Variants in ZNF525 observed in about 807,000 individuals in gnomAD.
The protein encoded by ZNF525 is zinc finger protein 525.
In ZNF525, 33 loss-of-function variants were observed where a neutral mutation model predicts 37.6. That is an observed-to-expected ratio of 0.88 (90% CI 0.67 to 1.17). The LOEUF (loss-of-function observed/expected upper bound fraction) is 1.17. Among genes scored for constraint, ZNF525 ranks in the 50% most tolerant of loss-of-function variants. ZNF525 has a pLI of 0.00. For synonymous variants in ZNF525, 170 were observed against 182.3 expected, an observed-to-expected ratio of 0.93 and a Z score of 0.54; for missense variants, 449 against 543.1, an observed-to-expected ratio of 0.83 and a Z score of 1.72.
At chr19:53,376,455 T>G in intron 3 of ZNF525, 1 of 591,200 alleles carries the variant, frequency 1.7e-6, no homozygotes, top group South Asian at 2.1e-5. Context: ...ATTTTTTTTG[T>G]TGTTATTTTG....
rs1029535441 is a variant in ZNF525, at chr19:53,385,945, C to T, written c.*3926C>T. ...TGACAGCAAACAGCAGAAACATAGT[C>T]AGAATTTAGAGAACAGCCTGGTTAA... On this transcript the variant is annotated 3_prime_UTR_variant, in exon 4 of 4. Coordinates refer to ENST00000474037, the MANE Select transcript of ZNF525 (RefSeq NM_001348156.2). The T allele has an allele frequency of 2.1e-5, 4 of 188,468 alleles. No individual in the cohort carries two copies. The highest frequency in any genetic ancestry group is 4.7e-5 in the African/African-American group (2 of 42,112). 11.7% of individuals were successfully genotyped at this position (188,468 alleles called of 1,614,324 possible). A position where few individuals can be genotyped will look rare whatever the true frequency, so the allele number is the denominator to read the frequency against.
Position 53,385,331 on chromosome 19 carries a change from A to G in ZNF525, c.*3312A>G, listed in dbSNP as rs1317251226. 4 of 207,978 alleles carry G rather than the reference A, an allele frequency of 1.9e-5. No homozygotes were observed. Among genetic ancestry groups the G allele is most frequent in the African/African-American group, 9.2e-5 (4 of 43,450 alleles). 12.9% of individuals were successfully genotyped at this position (207,978 alleles called of 1,614,324 possible). A position where few individuals can be genotyped will look rare whatever the true frequency, so the allele number is the denominator to read the frequency against. On this transcript the variant is annotated 3_prime_UTR_variant, in exon 4 of 4. Coordinates refer to ENST00000474037, the MANE Select transcript of ZNF525 (RefSeq NM_001348156.2). ...CCTCAAAAGGATAAGACATGAGTAT[A>G]AAAAGAGACTCCATCAAAGCAATAT... is the stretch of plus-strand genomic sequence containing the variant.
Position 53,368,523 on chromosome 19 carries a change from G to T in ZNF525, c.-68+2764G>T, listed in dbSNP as rs116981672. Among the ~76,000 whole-genome samples the T allele has an allele frequency of 6.3e-4, 96 of 152,224 alleles. No homozygotes were observed. In the East Asian group the frequency reaches 0.016, roughly 26 times the overall value. On this transcript the variant is annotated intron_variant, in intron 1 of 3. Transcript: ENST00000474037. ...AGTTAAATTATCTTGTGGCATTAACGCTTTTGCTTCTTAAGGCCAGTGGTC... is the reference window on the plus strand; with the variant it reads ...AGTTAAATTATCTTGTGGCATTAACTCTTTTGCTTCTTAAGGCCAGTGGTC...
intron 3 of ZNF525, among the ~76,000 whole-genome samples, chr19:53,377,226 A>G (rs1284930223): frequency 6.6e-6 from 1 of 152,212 alleles, no homozygotes; most frequent in African/African-American, 2.4e-5. Context: ...CACCCATGCT[A>G]GAGTGCAATG....
chr19:53,370,522 C>T (rs531973668), intron 1 of ZNF525, among the ~76,000 whole-genome samples: 4 of 151,922 alleles, frequency 2.6e-5, no homozygotes, highest in Non-Finnish European at 4.4e-5. Flanking sequence ...CTCCCTGCAA[C>T]TTGGAGATGA....
At chr19:53,375,002 G>A (rs967223771) in intron 2 of ZNF525, among the ~76,000 whole-genome samples, 3 of 151,872 alleles carry the variant, frequency 2.0e-5, no homozygotes, top group Non-Finnish European at 4.4e-5. Flanking sequence ...AGGCTCCCAA[G>A]TAGCTGGAAC....
chr19:53,375,781 A>G lies in ZNF525; in HGVS notation c.27A>G (p.Thr9=). ...TGTTTTCATTTCAGGGTCTATTGAC[A>G]TTCAGGGATGTGGCCATAGAATTCT... is the stretch of plus-strand genomic sequence containing the variant. MALPQGLL[T]FRDVAIEFSQ... is the part of the protein sequence containing the mutation. Residue 9 remains threonine, a synonymous_variant, in exon 3 of 4, where the codon ACA becomes ACG. Coordinates refer to ENST00000474037, the MANE Select transcript of ZNF525 (RefSeq NM_001348156.2). 1.2e-6 allele frequency: 2 copies of G among 1,613,944 alleles called. No homozygotes were observed. The highest frequency in any genetic ancestry group is 1.7e-6 in the Non-Finnish European group (2 of 1,179,922).
chr19:53,367,903 C>T (rs549029055), intron 1 of ZNF525, among the ~76,000 whole-genome samples: 6 of 152,212 alleles, frequency 3.9e-5, no homozygotes, highest in East Asian at 1.9e-4. Context: ...TGTGGTTAAG[C>T]GTGTAAATCG....
intron 1 of ZNF525, among the ~76,000 whole-genome samples, chr19:53,366,743 G>GGA (rs1239134686): frequency 6.7e-6 from 1 of 149,774 alleles, no homozygotes; most frequent in Non-Finnish European, 1.5e-5. Context: ...GAGAACAGAG[G>GGA]GAGAACCACA....
At position 53,369,884 on chromosome 19, in the gene ZNF525, C is replaced by G. The variant is rs1047325096; in HGVS notation, c.-67-2331C>G. Among the ~76,000 whole-genome samples the G allele has an allele frequency of 2.8e-5, 4 of 143,820 alleles. 1 individual carries two copies. Among genetic ancestry groups the G allele is most frequent in the African/African-American group, 1.1e-4 (4 of 37,980 alleles). The allele number at this position is 143,820 out of a possible 152,430, so 94.4% of individuals were successfully genotyped here. ...GGACTACAGGCGCCCGCCACCACGC[C>G]CAGCTAATTTTTTGTATTTTTAGTA... On this transcript the variant is annotated intron_variant, in intron 1 of 3. Coordinates refer to ENST00000474037, the MANE Select transcript of ZNF525 (RefSeq NM_001348156.2).
At chr19:53,376,946 G>A (rs980111028) in intron 3 of ZNF525, among the ~76,000 whole-genome samples, 1 of 152,170 alleles carries the variant, frequency 6.6e-6, no homozygotes, top group African/African-American at 2.4e-5. Context: ...TCCCGCCTGG[G>A]CAACACAGTG....
chr19:53,373,975 C>A (rs12972631), intron 2 of ZNF525, among the ~76,000 whole-genome samples: 1 of 151,880 alleles, frequency 6.6e-6, no homozygotes, highest in Non-Finnish European at 1.5e-5. Context: ...CTCTGCATCC[C>A]GAGCTCAAGC....
chr19:53,383,241 G>A lies in ZNF525; in HGVS notation c.*1222G>A, dbSNP rs1405386417. 1.0e-5 allele frequency: 15 copies of A among 1,431,822 alleles called. No homozygotes were observed. The highest frequency in any genetic ancestry group is 2.3e-5 in the South Asian group (2 of 88,154). 88.7% of individuals were successfully genotyped at this position (1,431,822 alleles called of 1,614,324 possible). The stretch of plus-strand genomic sequence containing the variant: ...CACACTGGGGAGAAACCTTACAAGT[G>A]TAATGAGTGTGGCAAAACCTTCCAT... On this transcript the variant is annotated 3_prime_UTR_variant, in exon 4 of 4. Coordinates refer to ENST00000474037, the MANE Select transcript of ZNF525 (RefSeq NM_001348156.2).
In ZNF525 at chr19:53,386,271, G is replaced by A. The variant is rs1156389354; in HGVS notation, c.*4252G>A. The A allele has an allele frequency of 1.5e-6, 1 of 675,598 alleles. No individual in the cohort carries two copies. Among genetic ancestry groups the A allele is most frequent in the Admixed American group, 1.8e-5 (1 of 55,860 alleles). 41.9% of individuals were successfully genotyped at this position (675,598 alleles called of 1,614,324 possible). A position where few individuals can be genotyped will look rare whatever the true frequency, so the allele number is the denominator to read the frequency against. The stretch of plus-strand genomic sequence containing the variant: ...AGACTTTCAGGATTAAGCGATTCCT[G>A]GCCAAGAAACAAAAGCAAAACCATC... On this transcript the variant is annotated 3_prime_UTR_variant, in exon 4 of 4. Coordinates refer to ENST00000474037, the MANE Select transcript of ZNF525 (RefSeq NM_001348156.2).
intron 1 of ZNF525, among the ~76,000 whole-genome samples, chr19:53,370,714 G>C (rs1600012962): frequency 6.6e-6 from 1 of 152,188 alleles, no homozygotes. Flanking sequence ...CAGAAGAATG[G>C]AAGAAACAGA....
chr19:53,383,080 A>T lies in ZNF525; in HGVS notation c.*1061A>T. On this transcript the variant is annotated 3_prime_UTR_variant, in exon 4 of 4. Transcript: ENST00000474037. The stretch of plus-strand genomic sequence containing the variant: ...GAGAGAACGCTTGCAAGTGTAATAA[A>T]TGTGGCGAGGTTTTTAATCAACAAG... 2 of 1,400,268 alleles carry T rather than the reference A, an allele frequency of 1.4e-6. No homozygotes were observed. The highest frequency in any genetic ancestry group is 2.0e-6 in the Non-Finnish European group (2 of 999,106). The allele number at this position is 1,400,268 out of a possible 1,614,324, so 86.7% of individuals were successfully genotyped here.
At chr19:53,373,752 G>A (rs1337243043) in intron 2 of ZNF525, among the ~76,000 whole-genome samples, 1 of 151,934 alleles carries the variant, frequency 6.6e-6, no homozygotes, top group Non-Finnish European at 1.5e-5. Flanking sequence ...AACCTGGGAA[G>A]CGGAGGTTGC....
At chr19:53,377,208 G>A (rs1360632279) in intron 3 of ZNF525, among the ~76,000 whole-genome samples, 1 of 152,076 alleles carries the variant, frequency 6.6e-6, no homozygotes, top group Admixed American at 6.6e-5. Context: ...ACGAAGTTTT[G>A]TTCTTGTCAC....
At chr19:53,366,963 T>C (rs980263368) in intron 1 of ZNF525, among the ~76,000 whole-genome samples, 6 of 152,024 alleles carry the variant, frequency 3.9e-5, no homozygotes, top group Non-Finnish European at 2.9e-5. Context: ...AGCTGAGCAT[T>C]TCAACAAACA....
Sources: allele counts gnomAD v4.1 joint callset (sites outside exome capture counted in the v4.1 genomes callset), GRCh38; gene constraint gnomAD v4.1.1; transcripts MANE v1.5; gene names NCBI Gene and HGNC (gene_info 2026-07-23, HGNC 2026-07-21).